The following NBEA variants were observed in gnomAD, a reference collection of about 807,000 sequenced individuals.
The protein encoded by NBEA is lysosomal-trafficking regulator 2.
NBEA carries 44 observed loss-of-function variants against 343.4 expected under a neutral mutation model. The observed-to-expected ratio is 0.13, with a 90% CI of 0.10 to 0.16. NBEA has a LOEUF of 0.16. Ranked by LOEUF, NBEA falls within the 10% of genes least tolerant of loss-of-function variation. The pLI, the probability that NBEA is intolerant of heterozygous loss-of-function variation, is 1.00. For missense variants in NBEA, 2,555 were observed against 3,631.3 expected, an observed-to-expected ratio of 0.70 and a Z score of 7.62; for synonymous variants, 1,175 against 1,238.7, an observed-to-expected ratio of 0.95 and a Z score of 1.08.
At chr13:35,594,576 A>G (rs1352700261) in intron 47 of NBEA, among the ~76,000 whole-genome samples, 1 of 152,156 alleles carries the variant, frequency 6.6e-6, no homozygotes, top group Non-Finnish European at 1.5e-5. Flanking sequence ...CATCCTTACT[A>G]TATTAAGCTT....
intron 33 of NBEA, among the ~76,000 whole-genome samples, chr13:35,229,351 A>C (rs939018414): frequency 8.5e-5 from 13 of 152,158 alleles, no homozygotes; most frequent in Admixed American, 7.2e-4. Context: ...GTTTTTGAAT[A>C]AATGAAAGTA....
At chr13:35,620,902 G>C (rs1424367428) in intron 48 of NBEA, among the ~76,000 whole-genome samples, 1 of 152,170 alleles carries the variant, frequency 6.6e-6, no homozygotes, top group East Asian at 1.9e-4. Flanking sequence ...AGCATGCGGA[G>C]TAGTGATGGC....
At chr13:35,470,630 C>A (rs7322761) in intron 40 of NBEA, among the ~76,000 whole-genome samples, 4,679 of 152,228 alleles carry the variant, frequency 0.031, 176 homozygotes, top group East Asian at 0.16. Context: ...CAAGAGTAAA[C>A]CGCATAGATT....
intron 43 of NBEA, among the ~76,000 whole-genome samples, chr13:35,552,499 G>C (rs2079376896): frequency 6.6e-6 from 1 of 152,182 alleles, no homozygotes; most frequent in African/African-American, 2.4e-5. Context: ...CAAAGAAAAT[G>C]AGGTTAGTTC....
intron 17 of NBEA, among the ~76,000 whole-genome samples, chr13:35,141,848 C>G (rs1707494220): frequency 1.3e-5 from 2 of 151,934 alleles, no homozygotes; most frequent in Admixed American, 6.6e-5. Flanking sequence ...AGTTTTAGTT[C>G]TTGATATTAA....
At chr13:35,410,912 T>A (rs2043545539) in intron 38 of NBEA, among the ~76,000 whole-genome samples, 1 of 152,144 alleles carries the variant, frequency 6.6e-6, no homozygotes, top group Admixed American at 6.5e-5. Flanking sequence ...TTCCTGGGCA[T>A]TTTTGTGCTA....
chr13:35,071,669 A>G (rs1443964061), intron 10 of NBEA, among the ~76,000 whole-genome samples: 1 of 152,050 alleles, frequency 6.6e-6, no homozygotes, highest in Non-Finnish European at 1.5e-5. Flanking sequence ...ATACATATAC[A>G]TGAGCTCCTT....
chr13:35,345,472 G>A (rs1380695815), intron 36 of NBEA, among the ~76,000 whole-genome samples: 12 of 152,006 alleles, frequency 7.9e-5, no homozygotes, highest in Admixed American at 4.6e-4. Context: ...GTGAGCTTAG[G>A]ATAGTAAAGA....
rs560922567 is a variant in NBEA at position 35,380,985 on chromosome 13, A to T, written c.6179+28662A>T. 5.3e-5 allele frequency among the ~76,000 whole-genome samples: 8 copies of T among 152,270 alleles called. No homozygotes were observed. The East Asian group carries it at 1.5e-3, about 29-fold the overall frequency. ...CCTATTTGTTAAAAGTTTTTATCCT[A>T]AATTGGTATAGAATTTTTTAATATG... On this transcript the variant is annotated intron_variant, in intron 38 of 58. Transcript: ENST00000379939.
chr13:35,206,614 T>C (rs558921900), intron 31 of NBEA, among the ~76,000 whole-genome samples: 2 of 151,092 alleles, frequency 1.3e-5, no homozygotes, highest in East Asian at 3.9e-4. Context: ...TATAAGTAGA[T>C]GCCTTATATC....
chr13:35,574,380 C>CGAAAAA (rs2080612410), intron 45 of NBEA, among the ~76,000 whole-genome samples: 1 of 124,792 alleles, frequency 8.0e-6, no homozygotes, highest in African/African-American at 3.2e-5. Context: ...TATACACTAT[C>CGAAAAA]AAAAAAAAAG....
chr13:35,354,823 A>T (rs558412801), intron 38 of NBEA, among the ~76,000 whole-genome samples: 1 of 152,196 alleles, frequency 6.6e-6, no homozygotes, highest in African/African-American at 2.4e-5. Flanking sequence ...TAACTCCAAA[A>T]TTTATTATTC....
intron 49 of NBEA, among the ~76,000 whole-genome samples, chr13:35,638,366 A>G (rs1244356229): frequency 6.6e-6 from 1 of 152,198 alleles, no homozygotes; most frequent in East Asian, 1.9e-4. Context: ...AACAAGGGAA[A>G]GCGACAAGGA....
rs962021624 is a variant in NBEA, at chr13:35,671,297, T to C, written c.*306T>C. ...TTGTAGGATGTGTCACAAGAGACTT[T>C]TGACAATTCTGAGGAACCTTGTGTC... On this transcript the variant is annotated 3_prime_UTR_variant, in exon 59 of 59. Coordinates refer to ENST00000379939, the MANE Select transcript of NBEA (RefSeq NM_001385012.1). 9.4e-6 allele frequency: 2 copies of C among 211,726 alleles called. No individual in the cohort carries two copies. Among genetic ancestry groups the C allele is most frequent in the African/African-American group, 4.5e-5 (2 of 44,070 alleles). 13.1% of individuals were successfully genotyped at this position (211,726 alleles called of 1,614,324 possible). A position where few individuals can be genotyped will look rare whatever the true frequency, so the allele number is the denominator to read the frequency against.
chr13:35,447,129 A>G (rs2046088498), intron 39 of NBEA, among the ~76,000 whole-genome samples: 1 of 152,164 alleles, frequency 6.6e-6, no homozygotes, highest in African/African-American at 2.4e-5. Flanking sequence ...AAAAGAACAT[A>G]AAGGGCACAT....
chr13:35,186,656 TAAC>T (rs1468570430), intron 30 of NBEA: 2 of 152,180 alleles, frequency 1.3e-5, no homozygotes, highest in Admixed American at 6.6e-5. Flanking sequence ...TTAGATAAAT[TAAC>T]AAGCAAAAAG....
chr13:35,414,028 G>C (rs999139298), intron 38 of NBEA, among the ~76,000 whole-genome samples: 1 of 152,060 alleles, frequency 6.6e-6, no homozygotes, highest in Non-Finnish European at 1.5e-5. Context: ...AGTGGCTCCT[G>C]TCTGTTCAAC....
chr13:35,048,339 T>C (rs917088841), intron 4 of NBEA, among the ~76,000 whole-genome samples: 2 of 151,990 alleles, frequency 1.3e-5, no homozygotes, highest in African/African-American at 2.4e-5. Context: ...TAAAATCTAA[T>C]TCACTGAGCA....
intron 38 of NBEA, among the ~76,000 whole-genome samples, chr13:35,426,617 A>T (rs2044694788): frequency 6.6e-6 from 1 of 151,934 alleles, no homozygotes; most frequent in Non-Finnish European, 1.5e-5. Flanking sequence ...TCTGACAATT[A>T]TGTGTCTTGG....
Sources: allele counts gnomAD v4.1 joint callset (sites outside exome capture counted in the v4.1 genomes callset), GRCh38; gene constraint gnomAD v4.1.1; transcripts MANE v1.5; gene names NCBI Gene and HGNC (gene_info 2026-07-23, HGNC 2026-07-21).